The following OR52I2 variants were observed in gnomAD, a reference collection of about 807,000 sequenced individuals.
OR52I2 encodes olfactory receptor family 52 subfamily I member 2, also known as olfactory receptor 52I2.
For missense variants in OR52I2, 350 were observed against 402.4 expected (o/e 0.87, Z 1.11); for synonymous variants, 147 against 151.9 (o/e 0.97, Z 0.24).
At chr11:4,587,173 T>C (rs1846309254) in exon 2 of OR52I2, 1 of 1,614,084 alleles carries the variant, frequency 6.2e-7, no homozygotes, top group Non-Finnish European at 8.5e-7. Flanking sequence ...AGGAGACAGC[T>C]CAATCAGCTT....
chr11:4,588,213 G>C (rs1464263837), exon 2 of OR52I2: 1 of 261,662 alleles, frequency 3.8e-6, no homozygotes, highest in African/African-American at 2.2e-5. Flanking sequence ...AGACAACAAA[G>C]ACCGCTCACC....
chr11:4,592,424 T>C (rs1001995316), exon 2 of OR52I2: 1 of 152,194 alleles, frequency 6.6e-6, no homozygotes, highest in Admixed American at 6.6e-5. Context: ...ACCAATAACA[T>C]ATTTTGAGTA....
chr11:4,585,193 G>A (rs1012908309), intron 1 of OR52I2, among the ~76,000 whole-genome samples: 1 of 152,094 alleles, frequency 6.6e-6, no homozygotes, highest in African/African-American at 2.4e-5. Context: ...TCGACTCTTC[G>A]CTATCCTGCC....
At chr11:4,587,379 G>A (rs770953016) in exon 2 of OR52I2, 2 of 1,613,678 alleles carry the variant, frequency 1.2e-6, no homozygotes, top group Non-Finnish European at 1.7e-6. Flanking sequence ...TAACTCCACT[G>A]AGTTGGATGG....
chr11:4,587,780 A>C, exon 2 of OR52I2: 2 of 1,614,158 alleles, frequency 1.2e-6, no homozygotes, highest in Admixed American at 3.3e-5. Flanking sequence ...CCCATCATCT[A>C]TGGCATGAGG....
chr11:4,587,305 A>T lies in OR52I2; in HGVS notation c.415A>T (p.Ile139Phe), dbSNP rs1846310832. ...CTGCAAGCCTCTACACTACAAGAGA[A>T]TTCTCACGCCTCAAGTGATGCTGGG... The change falls in exon 2 of 2, where the codon ATT becomes TTT. Residue 139 changes from isoleucine (I) to phenylalanine (F), a missense_variant. By Grantham distance (21) the Ile-to-Phe change is conservative. Coordinates refer to ENST00000641896, the Ensembl canonical transcript of OR52I2. The T allele has an allele frequency of 2.5e-6, 4 of 1,613,564 alleles. No individual in the cohort carries two copies. In the South Asian group the frequency reaches 4.4e-5, roughly 18 times the overall value.
chr11:4,587,606 T>C (rs113598086), exon 2 of OR52I2: 16 of 1,614,088 alleles, frequency 9.9e-6, no homozygotes, highest in African/African-American at 5.3e-5. Context: ...ACTGCTCAGT[T>C]GAAAGCATTA....
At chr11:4,585,926 T>C (rs553420092) in intron 1 of OR52I2, among the ~76,000 whole-genome samples, 8 of 152,352 alleles carry the variant, frequency 5.3e-5, no homozygotes, top group African/African-American at 1.9e-4. Context: ...GCACATACTA[T>C]GTTCATAATA....
chr11:4,584,381 C>A (rs547969810), intron 1 of OR52I2, among the ~76,000 whole-genome samples: 47 of 152,346 alleles, frequency 3.1e-4, no homozygotes, highest in African/African-American at 1.0e-3. Context: ...CTAGTCCATT[C>A]TTGGCATCTG....
At position 4,586,963 on chromosome 11, in the gene OR52I2, CA is replaced by C; in HGVS notation, c.75del (p.Gln25HisfsTer11). On this transcript the variant is annotated frameshift_variant, in exon 2 of 2. Coordinates refer to ENST00000641896, the Ensembl canonical transcript of OR52I2. LOFTEE classifies it low-confidence loss of function (END_TRUNC). The stretch of plus-strand genomic sequence containing the variant: ...CCTCCTTGTGGGTATCCCAGGACTG[CA>C]ATCTTCACATCTTTGGCTGGCTATC... 1 of 1,614,174 alleles carries C rather than the reference CA, an allele frequency of 6.2e-7. No individual in the cohort carries two copies. The highest frequency in any genetic ancestry group is 8.5e-7 in the Non-Finnish European group (1 of 1,180,004).
rs147698117 is a variant in OR52I2, at chr11:4,586,062, G to A, written c.-19-810G>A. Among the ~76,000 whole-genome samples the A allele has an allele frequency of 2.3e-3, 354 of 152,254 alleles. 4 individuals are homozygous for A. The highest frequency in any genetic ancestry group is 7.7e-3 in the African/African-American group (319 of 41,552). On this transcript the variant is annotated intron_variant, in intron 1 of 1. Transcript: ENST00000641896. ...CTGGGTAAAGTTCATCTATAAGGTA[G>A]TCCCAAGGTTTTCTTTGTAGTATTT...
exon 2 of OR52I2, chr11:4,592,658 AACT>A (rs1255807781): frequency 1.3e-5 from 2 of 152,224 alleles, no homozygotes; most frequent in Non-Finnish European, 2.9e-5. Context: ...AGGAGAGAGT[AACT>A]AAACAGCTAT....
chr11:4,583,679 G>A (rs1383303603), intron 1 of OR52I2, among the ~76,000 whole-genome samples: 8 of 152,194 alleles, frequency 5.3e-5, no homozygotes, highest in African/African-American at 1.9e-4. Flanking sequence ...GTGATGTGGA[G>A]CTCACTACTC....
chr11:4,593,024 A>C (rs1846364216), exon 2 of OR52I2: 1 of 152,242 alleles, frequency 6.6e-6, no homozygotes, highest in African/African-American at 2.4e-5. Context: ...TAAGTTATAC[A>C]AACTGTGTTG....
chr11:4,583,986 G>A (rs1252496330), intron 1 of OR52I2, among the ~76,000 whole-genome samples: 1 of 152,184 alleles, frequency 6.6e-6, no homozygotes, highest in African/African-American at 2.4e-5. Flanking sequence ...TACTGCAGTA[G>A]ATGGGATTCT....
chr11:4,591,709 C>A (rs973008636), exon 2 of OR52I2: 2 of 152,158 alleles, frequency 1.3e-5, no homozygotes, highest in South Asian at 2.1e-4. Flanking sequence ...ATTTTTCATA[C>A]CCACCTCCAC....
At chr11:4,592,521 C>A (rs1846358804) in exon 2 of OR52I2, 1 of 152,082 alleles carries the variant, frequency 6.6e-6, no homozygotes. Flanking sequence ...ACCAATGTCT[C>A]CAAAAGCTAG....
chr11:4,587,440 G>T lies in OR52I2; in HGVS notation c.550G>T (p.Glu184Ter), dbSNP rs753185432. Residue 184 changes from glutamate to a stop codon, truncating the protein, a stop_gained, in exon 2 of 2, where the codon GAG becomes TAG. Coordinates refer to ENST00000641896, the Ensembl canonical transcript of OR52I2. LOFTEE classifies it low-confidence loss of function (END_TRUNC). The stretch of plus-strand genomic sequence containing the variant: ...CAATGTGGTTGTCCACTCCTACTGT[G>T]AGCACATAGCTTTGGCCAGGTTAGC... 2 of 1,614,088 alleles carry T rather than the reference G, an allele frequency of 1.2e-6. No individual in the cohort carries two copies. The highest frequency in any genetic ancestry group is 1.7e-6 in the Non-Finnish European group (2 of 1,180,000).
intron 1 of OR52I2, among the ~76,000 whole-genome samples, chr11:4,582,653 C>A (rs1846267672): frequency 6.6e-6 from 1 of 151,856 alleles, no homozygotes; most frequent in African/African-American, 2.4e-5. Context: ...GTTGTCCAGG[C>A]TGAACTCCTG....
Sources: allele counts gnomAD v4.1 joint callset (sites outside exome capture counted in the v4.1 genomes callset), GRCh38; gene constraint gnomAD v4.1.1; transcripts MANE v1.5; gene names NCBI Gene and HGNC (gene_info 2026-07-23, HGNC 2026-07-21).